Variants in STAU1 observed in about 807,000 individuals in gnomAD.
The protein encoded by STAU1 is double-stranded RNA-binding protein Staufen homolog 1.
A neutral mutation model predicts 62.9 loss-of-function variants in STAU1; 13 were observed. The observed-to-expected ratio is 0.21, with a 90% CI of 0.13 to 0.33. STAU1 has a LOEUF of 0.33. Ranked by LOEUF, STAU1 falls within the 10% of genes least tolerant of loss-of-function variation. The pLI is 1.00. For synonymous variants in STAU1, 269 were observed against 265.1 expected, an observed-to-expected ratio of 1.01 and a Z score of -0.14; for missense variants, 571 against 712.1, an observed-to-expected ratio of 0.80 and a Z score of 2.25.
At chr20:49,152,594 C>A (rs1485047219) in intron 4 of STAU1, among the ~76,000 whole-genome samples, 2 of 152,158 alleles carry the variant, frequency 1.3e-5, no homozygotes, top group South Asian at 4.2e-4. Flanking sequence ...CCTGCCTTGG[C>A]CTCCCAAAGA....
At chr20:49,195,338 C>G in the STAU1 span, among the ~76,000 whole-genome samples, 2 of 148,190 alleles carry the variant, frequency 1.3e-5, no homozygotes, top group African/African-American at 5.0e-5. Flanking sequence ...GACATGAAGA[C>G]CATCCTGGCT....
chr20:49,124,382 A>ATGG lies in STAU1; in HGVS notation c.812_814dup (p.Pro271_Ile272insThr). 1.2e-6 allele frequency: 2 copies of ATGG among 1,613,762 alleles called. No individual in the cohort carries two copies. The highest frequency in any genetic ancestry group is 1.7e-6 in the Non-Finnish European group (2 of 1,179,970). ...GTTCAGAAAAGTTCTCACCTTGACT[A>ATGG]TGGGTTTTGTTTTCTTTTTGATTCT... On this transcript the variant is annotated inframe_insertion, in exon 7 of 14. Transcript: ENST00000371856.
intron 1 of STAU1, among the ~76,000 whole-genome samples, chr20:49,180,334 C>CCA (rs1555873866): frequency 1.3e-5 from 2 of 148,466 alleles, no homozygotes; most frequent in Non-Finnish European, 3.0e-5. Context: ...TTTTTTTTTC[C>CCA]CCCCCTGGAT....
intron 3 of STAU1, among the ~76,000 whole-genome samples, chr20:49,160,484 C>T (rs1197607527): frequency 1.3e-5 from 2 of 152,168 alleles, no homozygotes; most frequent in South Asian, 2.1e-4. Context: ...AAGACAACTC[C>T]GTATCTCCGT....
At chr20:49,146,742 T>A (rs1366834994) in intron 5 of STAU1, among the ~76,000 whole-genome samples, 1 of 151,066 alleles carries the variant, frequency 6.6e-6, no homozygotes, top group Non-Finnish European at 1.5e-5. Context: ...CAAAAATACA[T>A]ACACACTGAA....
the STAU1 span, among the ~76,000 whole-genome samples, chr20:49,213,480 G>A: frequency 2.0e-5 from 3 of 152,172 alleles, no homozygotes; most frequent in Admixed American, 6.5e-5. Context: ...CACCTGCCTC[G>A]GGCTCCCAAA....
intron 9 of STAU1, among the ~76,000 whole-genome samples, chr20:49,119,400 A>G (rs1164082253): frequency 6.6e-6 from 1 of 151,562 alleles, no homozygotes; most frequent in Non-Finnish European, 1.5e-5. Flanking sequence ...CTGGTCTTGA[A>G]CTCCTGGATT....
upstream of STAU1, among the ~76,000 whole-genome samples, chr20:49,190,232 G>C (rs964871277): frequency 2.0e-5 from 3 of 152,168 alleles, no homozygotes; most frequent in South Asian, 4.1e-4. Context: ...GACAAAAGTG[G>C]TGGGTCTATG....
At chr20:49,187,772 G>A (rs1027247538) in intron 1 of STAU1, among the ~76,000 whole-genome samples, 1 of 22,832 alleles carries the variant, frequency 4.4e-5, no homozygotes, top group Non-Finnish European at 8.5e-5. Context: ...CTGAAGCAGG[G>A]ACCCCCCCCC....
At chr20:49,149,389 TC>T (rs2093201072) in intron 5 of STAU1, among the ~76,000 whole-genome samples, 1 of 73,234 alleles carries the variant, frequency 1.4e-5, no homozygotes, top group Non-Finnish European at 4.2e-5. Context: ...TTCCTGGGTC[TC>T]ACCCTACACC....
chr20:49,204,138 T>TA, the STAU1 span, among the ~76,000 whole-genome samples: 803 of 152,128 alleles, frequency 5.3e-3, 3 homozygotes, highest in Non-Finnish European at 9.4e-3. Context: ...TTTTTTTTTT[T>TA]AGAGTCTCAC....
In STAU1 at chr20:49,125,198, C is replaced by CAAAAAAAAAAAAAAAAAAAAAAAA. The variant is rs1171534142; in HGVS notation, c.610-635_610-612dup. ...ACACACATTTATAAGCTCATTTTTG[C>CAAAAAAAAAAAAAAAAAAAAAAAA]AAAAAAAAAAAAAAAAAAAAAAAAA... On this transcript the variant is annotated intron_variant, in intron 6 of 13. Transcript: ENST00000371856. Among the ~76,000 whole-genome samples the CAAAAAAAAAAAAAAAAAAAAAAAA allele has an allele frequency of 2.1e-4, 7 of 33,716 alleles. 1 individual carries two copies. Among genetic ancestry groups the CAAAAAAAAAAAAAAAAAAAAAAAA allele is most frequent in the Non-Finnish European group, 3.4e-4 (6 of 17,652 alleles). The allele number at this position is 33,716 out of a possible 152,430, so 22.1% of individuals were successfully genotyped here. A position where few individuals can be genotyped will look rare whatever the true frequency, so the allele number is the denominator to read the frequency against.
chr20:49,196,871 A>G, the STAU1 span, among the ~76,000 whole-genome samples: 2 of 151,778 alleles, frequency 1.3e-5, no homozygotes, highest in Admixed American at 1.3e-4. Flanking sequence ...AAATAACATC[A>G]ATGGTTCGGA....
chr20:49,206,508 C>T, the STAU1 span, among the ~76,000 whole-genome samples: 1 of 137,154 alleles, frequency 7.3e-6, no homozygotes, highest in African/African-American at 2.7e-5. Context: ...CGTGCCCGGC[C>T]ATCTTCCGTT....
chr20:49,184,430 C>T (rs543730245), intron 1 of STAU1, among the ~76,000 whole-genome samples: 2 of 152,294 alleles, frequency 1.3e-5, no homozygotes, highest in South Asian at 2.1e-4. Flanking sequence ...CACAGCTCCA[C>T]ACACCAGTGA....
In STAU1 at chr20:49,114,612, G is replaced by A; in HGVS notation, c.*266C>T. The A allele has an allele frequency of 2.2e-6, 1 of 462,536 alleles. No individual in the cohort carries two copies. Among genetic ancestry groups the A allele is most frequent in the Non-Finnish European group, 3.9e-6 (1 of 256,232 alleles). The allele number at this position is 462,536 out of a possible 1,614,324, so 28.7% of individuals were successfully genotyped here. A position where few individuals can be genotyped will look rare whatever the true frequency, so the allele number is the denominator to read the frequency against. ...GGTGTCCCGGGAGAACCAGCTGGCT[G>A]GGCAGCCCTTCTTCCCCACAGGCAG... On this transcript the variant is annotated 3_prime_UTR_variant, in exon 14 of 14. Coordinates refer to ENST00000371856, the MANE Select transcript of STAU1 (RefSeq NM_017453.4).
At chr20:49,139,619 G>T (rs2092963509) in intron 5 of STAU1, among the ~76,000 whole-genome samples, 1 of 151,846 alleles carries the variant, frequency 6.6e-6, no homozygotes, top group African/African-American at 2.4e-5. Context: ...CCAGCTACTT[G>T]GGAGGCTGAG....
chr20:49,150,945 C>T (rs1440089077), intron 5 of STAU1, among the ~76,000 whole-genome samples: 2 of 152,126 alleles, frequency 1.3e-5, no homozygotes, highest in Non-Finnish European at 2.9e-5. Context: ...TGACAGCAAG[C>T]ACCAACTTAC....
At chr20:49,146,711 A>T (rs553944099) in intron 5 of STAU1, among the ~76,000 whole-genome samples, 1 of 152,126 alleles carries the variant, frequency 6.6e-6, no homozygotes, top group South Asian at 2.1e-4. Context: ...TCTCCAAAAA[A>T]AAAAAAAGGA....
Sources: allele counts gnomAD v4.1 joint callset (sites outside exome capture counted in the v4.1 genomes callset), GRCh38; gene constraint gnomAD v4.1.1; transcripts MANE v1.5; gene names NCBI Gene and HGNC (gene_info 2026-07-23, HGNC 2026-07-21).